Variants in LIMD1 observed in about 807,000 individuals in gnomAD.
LIMD1 encodes the protein LIM domain containing 1.
LIMD1 carries 23 observed loss-of-function variants against 58.4 expected under a neutral mutation model. The ratio of observed to expected loss-of-function variants is 0.39; its 90% CI spans 0.28 to 0.56. The LOEUF is 0.56. Ranked by LOEUF, LIMD1 falls within the 20% of genes least tolerant of loss-of-function variation. LIMD1 has a pLI of 0.57. For missense variants in LIMD1, 838 were observed against 855.5 expected (o/e 0.98, Z 0.25); for synonymous variants, 334 against 345.5 (o/e 0.97, Z 0.37).
intron 1 of LIMD1, among the ~76,000 whole-genome samples, chr3:45,633,107 G>A (rs1234876841): frequency 6.6e-6 from 1 of 152,176 alleles, no homozygotes; most frequent in South Asian, 2.1e-4. Context: ...ATTACTTGAT[G>A]CTTTCAGTTT....
Position 45,677,731 on chromosome 3 carries a change from T to G in LIMD1, c.*672T>G, listed in dbSNP as rs188822720. 1 of 152,328 alleles carries G rather than the reference T, an allele frequency of 6.6e-6. No individual in the cohort carries two copies. Among genetic ancestry groups the G allele is most frequent in the Admixed American group, 6.5e-5 (1 of 15,304 alleles). The allele number at this position is 152,328 out of a possible 1,614,324, so 9.4% of individuals were successfully genotyped here. On this transcript the variant is annotated 3_prime_UTR_variant, in exon 8 of 8. Transcript: ENST00000273317. ...ACAGCATTCTCTGTACCCCTTCAAA[T>G]CCTTACTCTCCTAAAGGCAGCTGAG...
At chr3:45,658,341 T>C (rs865901875) in intron 2 of LIMD1, among the ~76,000 whole-genome samples, 2 of 152,064 alleles carry the variant, frequency 1.3e-5, no homozygotes, top group Non-Finnish European at 2.9e-5. Context: ...CAACCCCCTG[T>C]ACTGGCCTCC....
At chr3:45,642,041 C>T (rs1701847874) in intron 2 of LIMD1, among the ~76,000 whole-genome samples, 1 of 152,218 alleles carries the variant, frequency 6.6e-6, no homozygotes, top group South Asian at 2.1e-4. Context: ...CACCAAGATT[C>T]AGGCAAACCT....
intron 2 of LIMD1, among the ~76,000 whole-genome samples, chr3:45,647,403 C>A (rs1349618408): frequency 1.3e-5 from 2 of 152,170 alleles, no homozygotes; most frequent in African/African-American, 4.8e-5. Context: ...GAGTGTGGAT[C>A]CTGTGGCCAG....
At chr3:45,601,696 A>C (rs1291151901) in intron 1 of LIMD1, among the ~76,000 whole-genome samples, 1 of 152,150 alleles carries the variant, frequency 6.6e-6, no homozygotes, top group Non-Finnish European at 1.5e-5. Flanking sequence ...TACAGTTGAG[A>C]AACCGAGGCC....
intron 2 of LIMD1, among the ~76,000 whole-genome samples, chr3:45,640,097 A>T (rs1156258631): frequency 6.6e-6 from 1 of 152,232 alleles, no homozygotes; most frequent in Non-Finnish European, 1.5e-5. Context: ...TCTTTCTTCA[A>T]ATTGTGACAA....
In LIMD1 at chr3:45,672,751, A is replaced by G; in HGVS notation, c.1703A>G (p.Glu568Gly). The change falls in exon 5 of 8, where the codon GAG (glutamate) becomes GGG (glycine). Residue 568 changes from glutamate (E) to glycine (G), a missense_variant. Transcript: ENST00000273317. ...PGCFRCVICN[E>G]CLDGVPFTVD... ...TGTTTCCGCTGTGTCATCTGTAATG[A>G]GTGTTTGGATGGGGTGCCCTTCACC... The G allele has an allele frequency of 6.2e-7, 1 of 1,613,902 alleles. No homozygotes were observed. The highest frequency in any genetic ancestry group is 8.5e-7 in the Non-Finnish European group (1 of 1,179,946).
chr3:45,606,817 CAG>C (rs1228236791), intron 1 of LIMD1, among the ~76,000 whole-genome samples: 1 of 152,220 alleles, frequency 6.6e-6, no homozygotes, highest in Non-Finnish European at 1.5e-5. Context: ...GTTTTTGAGG[CAG>C]AGTCTCGCTC....
chr3:45,605,468 A>G (rs1701459793), intron 1 of LIMD1, among the ~76,000 whole-genome samples: 1 of 152,254 alleles, frequency 6.6e-6, no homozygotes. Flanking sequence ...TCTTAGAATA[A>G]TCAGTGTTAA....
intron 1 of LIMD1, among the ~76,000 whole-genome samples, chr3:45,610,331 G>C (rs1219158335): frequency 6.6e-6 from 1 of 152,196 alleles, no homozygotes; most frequent in Non-Finnish European, 1.5e-5. Flanking sequence ...ACGTGGTAGG[G>C]AGGCAGGGGC....
chr3:45,676,348 A>G (rs920119617), intron 7 of LIMD1, among the ~76,000 whole-genome samples: 1 of 151,450 alleles, frequency 6.6e-6, no homozygotes, highest in Non-Finnish European at 1.5e-5. Context: ...TTTCTTCTAA[A>G]AAAAAAAAAG....
intron 1 of LIMD1, among the ~76,000 whole-genome samples, chr3:45,610,183 C>G (rs1701510025): frequency 6.6e-6 from 1 of 151,982 alleles, no homozygotes; most frequent in Non-Finnish European, 1.5e-5. Flanking sequence ...GGCTCTGTCT[C>G]AAGAAAAAAA....
intron 2 of LIMD1, among the ~76,000 whole-genome samples, chr3:45,653,364 C>T (rs1247529444): frequency 6.6e-6 from 1 of 152,158 alleles, no homozygotes; most frequent in Non-Finnish European, 1.5e-5. Context: ...CACTGGGCTG[C>T]GTTCCCTACT....
In LIMD1 at chr3:45,672,950, G is replaced by T. The variant is rs1697611695; in HGVS notation, c.1772+130G>T. 3 of 1,050,468 alleles carry T rather than the reference G, an allele frequency of 2.9e-6. No homozygotes were observed. The South Asian group carries it at 4.4e-5, about 15-fold the overall frequency. 65.1% of individuals were successfully genotyped at this position (1,050,468 alleles called of 1,614,324 possible). On this transcript the variant is annotated intron_variant, in intron 5 of 7. Coordinates refer to ENST00000273317, the MANE Select transcript of LIMD1 (RefSeq NM_014240.3). ...GATCACAGTCCAGCAAAGGCTTAAT[G>T]GTTTTGAGGGGTACAGCAGGGACCT...
At chr3:45,606,553 G>A (rs1394718889) in intron 1 of LIMD1, among the ~76,000 whole-genome samples, 4 of 152,218 alleles carry the variant, frequency 2.6e-5, no homozygotes, top group East Asian at 1.9e-4. Flanking sequence ...TCCCTGCAGG[G>A]CAGTGGACAG....
chr3:45,608,856 A>AG (rs1317597884), intron 1 of LIMD1, among the ~76,000 whole-genome samples: 1 of 151,704 alleles, frequency 6.6e-6, no homozygotes, highest in Middle Eastern at 3.4e-3. Context: ...AAAAAAAAAA[A>AG]AAGAAGGAGA....
At chr3:45,607,443 G>A (rs1444821876) in intron 1 of LIMD1, among the ~76,000 whole-genome samples, 1 of 152,036 alleles carries the variant, frequency 6.6e-6, no homozygotes, top group East Asian at 1.9e-4. Context: ...TGTGACTGTC[G>A]CTGTGTCCCC....
At chr3:45,674,188 T>C (rs576348385) in intron 6 of LIMD1, among the ~76,000 whole-genome samples, 155 bp from the exon 7 acceptor site, 1 of 152,328 alleles carries the variant, frequency 6.6e-6, no homozygotes, top group Non-Finnish European at 1.5e-5. Context: ...AAATGTATTC[T>C]TCTTCCAGTA....
At position 45,595,451 on chromosome 3, in the gene LIMD1, G is replaced by T; in HGVS notation, c.572G>T (p.Gly191Val). ...CTCTCCTTGGCAAGCCCAAAGTGGG[G>T]TGACAAACCAGGAGTGTCCCCCAGC... is the stretch of plus-strand genomic sequence containing the variant. ...DNLSLASPKW[G>V]DKPGVSPSIG... The change falls in exon 1 of 8, where the codon GGT becomes GTT. Residue 191 changes from glycine to valine, a missense_variant. Coordinates refer to ENST00000273317, the MANE Select transcript of LIMD1 (RefSeq NM_014240.3). 2 of 1,614,004 alleles carry T rather than the reference G, an allele frequency of 1.2e-6. No homozygotes were observed. The highest frequency in any genetic ancestry group is 1.7e-6 in the Non-Finnish European group (2 of 1,179,930).
Sources: allele counts gnomAD v4.1 joint callset (sites outside exome capture counted in the v4.1 genomes callset), GRCh38; gene constraint gnomAD v4.1.1; transcripts MANE v1.5; gene names NCBI Gene and HGNC (gene_info 2026-07-23, HGNC 2026-07-21).